Variants in MAP2K4 observed in about 807,000 individuals in gnomAD.
MAP2K4 encodes the protein mitogen-activated protein kinase kinase 4.
In MAP2K4, 4 loss-of-function variants were observed where a neutral mutation model predicts 48.5. That is an observed-to-expected ratio of 0.08 (90% CI 0.04 to 0.19). MAP2K4 has a LOEUF of 0.19. Ranked by LOEUF, MAP2K4 falls within the 10% of genes least tolerant of loss-of-function variation. The probability of loss-of-function intolerance (pLI) is 1.00; values close to 1 mark genes in which losing one functional copy is unlikely to be tolerated. For missense variants in MAP2K4, 258 were observed against 493.3 expected (o/e 0.52, Z 4.52); for synonymous variants, 166 against 173.1 (o/e 0.96, Z 0.32).
At chr17:12,117,621 T>C (rs1378268169) in intron 7 of MAP2K4, among the ~76,000 whole-genome samples, 2 of 152,116 alleles carry the variant, frequency 1.3e-5, no homozygotes, top group African/African-American at 2.4e-5. Context: ...TTTTTGCTCA[T>C]TTTTTGCTCA....
chr17:12,109,995 A>T (rs1294710632), intron 5 of MAP2K4, among the ~76,000 whole-genome samples: 1 of 151,966 alleles, frequency 6.6e-6, no homozygotes, highest in Non-Finnish European at 1.5e-5. Flanking sequence ...CCAGGCATGC[A>T]TCTGTAGTCC....
intron 2 of MAP2K4, among the ~76,000 whole-genome samples, chr17:12,065,361 C>T (rs191235789): frequency 0.022 from 3,224 of 146,626 alleles, 70 homozygotes; most frequent in Middle Eastern, 0.05. Context: ...TGCAATGGTG[C>T]GATCTCGGCT....
intron 4 of MAP2K4, among the ~76,000 whole-genome samples, chr17:12,103,577 A>G (rs1208691926): frequency 6.6e-6 from 1 of 152,060 alleles, no homozygotes; most frequent in Non-Finnish European, 1.5e-5. Context: ...TTTACTCTTT[A>G]TATGTCTTCA....
At position 12,143,132 on chromosome 17, in the gene MAP2K4, C is replaced by T. The variant is rs1973427209; in HGVS notation, c.*1872C>T. 1 of 233,078 alleles carries T rather than the reference C, an allele frequency of 4.3e-6. No individual in the cohort carries two copies. Among genetic ancestry groups the T allele is most frequent in the Non-Finnish European group, 8.5e-6 (1 of 117,860 alleles). 14.4% of individuals were successfully genotyped at this position (233,078 alleles called of 1,614,324 possible). A position where few individuals can be genotyped will look rare whatever the true frequency, so the allele number is the denominator to read the frequency against. ...CACTGTTCTGAAAGGAGACATTGCT[C>T]TATGTCTGCCTTCGACCACAGCAAG... On this transcript the variant is annotated 3_prime_UTR_variant, in exon 11 of 11. Coordinates refer to ENST00000353533, the MANE Select transcript of MAP2K4 (RefSeq NM_003010.4).
intron 2 of MAP2K4, among the ~76,000 whole-genome samples, chr17:12,067,609 G>A (rs973631231): frequency 1.1e-4 from 16 of 152,272 alleles, no homozygotes; most frequent in Middle Eastern, 6.8e-3. Context: ...TATTCCTTGG[G>A]GTTTGAATGG....
intron 1 of MAP2K4, 43 bp from the exon 2 acceptor site, chr17:12,054,846 T>C (rs1970239072): frequency 2.3e-6 from 3 of 1,302,032 alleles, no homozygotes; most frequent in Non-Finnish European, 2.2e-6. Context: ...AGTACCTGTT[T>C]TGTAGTACTT....
At chr17:12,136,592 A>G (rs1330872783) in intron 9 of MAP2K4, among the ~76,000 whole-genome samples, 1 of 152,218 alleles carries the variant, frequency 6.6e-6, no homozygotes, top group Non-Finnish European at 1.5e-5. Context: ...AAGTTTGCTA[A>G]CGGCTACCTT....
At chr17:12,099,414 G>T (rs1971863373) in intron 4 of MAP2K4, among the ~76,000 whole-genome samples, 1 of 152,130 alleles carries the variant, frequency 6.6e-6, no homozygotes, top group Non-Finnish European at 1.5e-5. Context: ...CCCAGTAGTA[G>T]GATTGCTGGA....
intron 7 of MAP2K4, among the ~76,000 whole-genome samples, chr17:12,123,270 ACATT>A (rs1460367293): frequency 6.6e-6 from 1 of 152,214 alleles, no homozygotes; most frequent in Non-Finnish European, 1.5e-5. Context: ...GTTTTTAATA[ACATT>A]CATTAAGTAA....
intron 8 of MAP2K4, among the ~76,000 whole-genome samples, chr17:12,128,494 A>G (rs1213349151): frequency 2.0e-5 from 3 of 152,168 alleles, no homozygotes; most frequent in African/African-American, 7.2e-5. Flanking sequence ...GACATACGTA[A>G]GACTCTTCAG....
intron 7 of MAP2K4, among the ~76,000 whole-genome samples, chr17:12,121,941 G>A (rs1972707807): frequency 6.6e-6 from 1 of 152,076 alleles, no homozygotes; most frequent in Admixed American, 6.5e-5. Flanking sequence ...TCTCAGCAAT[G>A]TTTTGTAGTT....
intron 8 of MAP2K4, among the ~76,000 whole-genome samples, chr17:12,126,084 G>A (rs1432500179): frequency 1.3e-5 from 2 of 152,014 alleles, no homozygotes; most frequent in Non-Finnish European, 2.9e-5. Flanking sequence ...GGGGGATGGT[G>A]CATTAGAAAC....
intron 2 of MAP2K4, among the ~76,000 whole-genome samples, chr17:12,073,930 C>T (rs774622231): frequency 2.6e-5 from 4 of 151,982 alleles, no homozygotes; most frequent in Admixed American, 6.6e-5. Flanking sequence ...CCCACCACCA[C>T]GCCCAGCTAA....
chr17:12,043,545 G>A (rs1597405841), intron 1 of MAP2K4, among the ~76,000 whole-genome samples: 3 of 152,112 alleles, frequency 2.0e-5, no homozygotes, highest in East Asian at 1.9e-4. Flanking sequence ...AAATTTGGGG[G>A]TTCCCATTAT....
In MAP2K4 at chr17:12,137,031, G is replaced by T. The variant is rs910562593; in HGVS notation, c.1041-2808G>T. On this transcript the variant is annotated intron_variant, in intron 9 of 10. Transcript: ENST00000353533. ...CAACCAGAGGACTGGAACTGTAATT[G>T]TCCTAATACCAACATAGGAGTGGAA... Among the ~76,000 whole-genome samples, 4 of 152,310 alleles carry T rather than the reference G, an allele frequency of 2.6e-5. No individual in the cohort carries two copies. In the East Asian group the frequency reaches 7.7e-4, roughly 29 times the overall value.
intron 4 of MAP2K4, among the ~76,000 whole-genome samples, chr17:12,099,124 C>A (rs979811803): frequency 1.3e-5 from 2 of 151,852 alleles, no homozygotes; most frequent in African/African-American, 4.8e-5. Context: ...ATTTAGCTCC[C>A]CCTTATAAGC....
Position 12,081,798 on chromosome 17 carries a change from C to T in MAP2K4, c.393+268C>T. On this transcript the variant is annotated intron_variant, in intron 3 of 10. Transcript: ENST00000353533. The surrounding 1 kb of genome is among the most constrained non-coding windows in gnomAD (Gnocchi z 4.2). ...AACATGTTTTAAACTTCAGGCCCTT[C>T]TACTGCCAAGGTGAGTTCAGGCTGG... 1 of 486,402 alleles carries T rather than the reference C, an allele frequency of 2.1e-6. No individual in the cohort carries two copies. The highest frequency in any genetic ancestry group is 1.8e-5 in the South Asian group (1 of 54,268). 30.1% of individuals were successfully genotyped at this position (486,402 alleles called of 1,614,324 possible).
chr17:12,045,808 A>G (rs140641737), intron 1 of MAP2K4, among the ~76,000 whole-genome samples: 38 of 152,306 alleles, frequency 2.5e-4, no homozygotes, highest in African/African-American at 7.2e-4. Flanking sequence ...GGGTTGATCA[A>G]TTTGGGTTTG....
intron 4 of MAP2K4, among the ~76,000 whole-genome samples, chr17:12,103,824 AAATATAGATTCGT>A (rs1234806687): frequency 8.5e-5 from 13 of 152,188 alleles, no homozygotes; most frequent in Non-Finnish European, 1.6e-4. Flanking sequence ...AGATTTATGT[AAATATAGATTCGT>A]AATATACAGA....
Sources: allele counts gnomAD v4.1 joint callset (sites outside exome capture counted in the v4.1 genomes callset), GRCh38; gene constraint gnomAD v4.1.1; non-coding constraint Gnocchi (gnomAD v3.1); transcripts MANE v1.5; gene names NCBI Gene and HGNC (gene_info 2026-07-23, HGNC 2026-07-21).